CPS1: variants seen among roughly 807,000 people sequenced by gnomAD.
CPS1 encodes carbamoyl-phosphate synthase 1, also known as carbamoyl-phosphate synthase [ammonia], mitochondrial.
A neutral mutation model predicts 174.6 loss-of-function variants in CPS1; 109 were observed. The observed-to-expected ratio is 0.62, with a 90% CI of 0.53 to 0.73. The LOEUF (loss-of-function observed/expected upper bound fraction) is 0.73. CPS1 is among the 30% of genes least tolerant of loss of function. The probability of loss-of-function intolerance (pLI) is 0.00; values close to 1 mark genes in which losing one functional copy is unlikely to be tolerated. For synonymous variants in CPS1, 637 were observed against 632.0 expected, an observed-to-expected ratio of 1.01 and a Z score of -0.12; for missense variants, 1,689 against 1,821.9, an observed-to-expected ratio of 0.93 and a Z score of 1.33.
intron 31 of CPS1, among the ~76,000 whole-genome samples, chr2:210,660,213 A>G (rs908557160): frequency 6.6e-6 from 1 of 152,142 alleles, no homozygotes; most frequent in South Asian, 2.1e-4. Context: ...CAGGAGGGGT[A>G]TGGCATTATT....
chr2:210,612,809 A>G (rs1481985923), intron 20 of CPS1, among the ~76,000 whole-genome samples: 1 of 151,980 alleles, frequency 6.6e-6, no homozygotes, highest in Non-Finnish European at 1.5e-5. Context: ...AGGGTTTTCC[A>G]TGTAATTATT....
chr2:210,629,566 C>T (rs888549005), intron 21 of CPS1, among the ~76,000 whole-genome samples: 2 of 151,668 alleles, frequency 1.3e-5, no homozygotes, highest in Non-Finnish European at 1.5e-5. Context: ...CCGCCCGCCT[C>T]GGCCTCTCAA....
At chr2:210,478,887 TA>T in intron 1 of CPS1, among the ~76,000 whole-genome samples, 1 of 147,940 alleles carries the variant, frequency 6.8e-6, no homozygotes, top group African/African-American at 2.5e-5. Flanking sequence ...TTGCTGGAAA[TA>T]ATATTTCCCT....
At chr2:210,491,985 C>T (rs1424113736) in intron 1 of CPS1, among the ~76,000 whole-genome samples, 1 of 152,148 alleles carries the variant, frequency 6.6e-6, no homozygotes, top group Non-Finnish European at 1.5e-5. Flanking sequence ...GCAACCAACA[C>T]TATTGTAAGG....
intron 1 of CPS1, among the ~76,000 whole-genome samples, chr2:210,518,840 C>T (rs1220715885): frequency 3.9e-5 from 6 of 152,022 alleles, no homozygotes; most frequent in Admixed American, 1.3e-4. Context: ...CTGAACCTTT[C>T]CAGGTGGGTG....
In CPS1 at chr2:210,600,550, T is replaced by C. The variant is rs779060657; in HGVS notation, c.1550-5T>C. The stretch of plus-strand genomic sequence containing the variant: ...AAAAACTAATCCTATTTGGTTCTTC[T>C]TTAGGAGTGGAACTATTCAAGAGAG... On this transcript the variant is annotated splice_polypyrimidine_tract_variant and splice_region_variant and intron_variant, in intron 14 of 37. Coordinates refer to ENST00000233072, the MANE Select transcript of CPS1 (RefSeq NM_001875.5). The C allele has an allele frequency of 1.1e-5, 18 of 1,611,744 alleles. No homozygotes were observed. Among genetic ancestry groups the C allele is most frequent in the Non-Finnish European group, 1.5e-5 (18 of 1,178,628 alleles).
At chr2:210,624,930 A>G (rs1410737427) in intron 21 of CPS1, among the ~76,000 whole-genome samples, 1 of 152,094 alleles carries the variant, frequency 6.6e-6, no homozygotes, top group Admixed American at 6.5e-5. Context: ...GATTTAAAAT[A>G]ACACATACTC....
At chr2:210,592,623 A>G (rs1698346529) in intron 10 of CPS1, among the ~76,000 whole-genome samples, 2 of 151,928 alleles carry the variant, frequency 1.3e-5, no homozygotes, top group Non-Finnish European at 2.9e-5. Flanking sequence ...TTTTTTATTT[A>G]TTTATTTATT....
intron 11 of CPS1, among the ~76,000 whole-genome samples, 183 bp from the exon 12 acceptor site, chr2:210,594,325 T>C (rs1698410524): frequency 6.6e-6 from 1 of 151,968 alleles, no homozygotes; most frequent in South Asian, 2.1e-4. Context: ...AAGTGTTTAT[T>C]TGATTAAATT....
chr2:210,492,585 GC>G (rs1168969743), intron 1 of CPS1, among the ~76,000 whole-genome samples: 1 of 150,632 alleles, frequency 6.6e-6, no homozygotes, highest in Non-Finnish European at 1.5e-5. Context: ...TGCCTATCTT[GC>G]TTTTATTAAT....
chr2:210,539,653 T>C (rs1696349729), intron 1 of CPS1, among the ~76,000 whole-genome samples: 1 of 152,174 alleles, frequency 6.6e-6, no homozygotes, highest in South Asian at 2.1e-4. Context: ...GGTAATCAGA[T>C]TGATGTATCC....
At chr2:210,616,304 A>G in intron 20 of CPS1, 119 bp from the exon 21 acceptor site, 1 of 748,082 alleles carries the variant, frequency 1.3e-6, no homozygotes. Context: ...TTTGTAACTC[A>G]GTCTACAGTC....
intron 29 of CPS1, among the ~76,000 whole-genome samples, chr2:210,654,486 T>C (rs536547873): frequency 2.6e-5 from 4 of 152,308 alleles, no homozygotes; most frequent in African/African-American, 9.6e-5. Flanking sequence ...TTTTCTTCTT[T>C]CTTCATTTCC....
chr2:210,622,498 C>A (rs1699561107), intron 21 of CPS1, among the ~76,000 whole-genome samples: 1 of 151,702 alleles, frequency 6.6e-6, no homozygotes, highest in Non-Finnish European at 1.5e-5. Context: ...TAGACAGCTT[C>A]AGTTTAGAAA....
chr2:210,504,426 T>A (rs1254699274), intron 1 of CPS1, among the ~76,000 whole-genome samples: 1 of 152,266 alleles, frequency 6.6e-6, no homozygotes, highest in African/African-American at 2.4e-5. Context: ...ACTTGTCATA[T>A]GTTGTGTCAT....
intron 36 of CPS1, 78 bp downstream of exon 36, chr2:210,675,918 A>G (rs1025869884): frequency 3.2e-5 from 25 of 783,268 alleles, no homozygotes; most frequent in Non-Finnish European, 4.9e-5. Flanking sequence ...ATTTCACCTT[A>G]CTTGATTGCA....
chr2:210,652,691 C>T (rs887120900), intron 28 of CPS1, among the ~76,000 whole-genome samples: 37 of 152,040 alleles, frequency 2.4e-4, no homozygotes, highest in Non-Finnish European at 4.4e-4. Flanking sequence ...GTGAGGAATC[C>T]AAGTGGATAT....
At position 210,679,010 on chromosome 2, in the gene CPS1, G is replaced by T. The variant is rs778290335; in HGVS notation, c.*1025G>T. The stretch of plus-strand genomic sequence containing the variant: ...CATTCCTTCTACATATAAGAAAAAA[G>T]TCTCTCCCCAAGGGCAGCCTTTGTT... On this transcript the variant is annotated 3_prime_UTR_variant, in exon 38 of 38. Transcript: ENST00000233072. 10 of 152,116 alleles carry T rather than the reference G, an allele frequency of 6.6e-5. No homozygotes were observed. The highest frequency in any genetic ancestry group is 5.9e-5 in the Non-Finnish European group (4 of 68,026). The allele number at this position is 152,116 out of a possible 1,614,324, so 9.4% of individuals were successfully genotyped here. A position where few individuals can be genotyped will look rare whatever the true frequency, so the allele number is the denominator to read the frequency against.
chr2:210,670,100 G>C (rs1025506843), intron 34 of CPS1, among the ~76,000 whole-genome samples: 6 of 152,066 alleles, frequency 3.9e-5, no homozygotes, highest in African/African-American at 1.4e-4. Flanking sequence ...GCTGGCTATT[G>C]AAAATCTACC....
Sources: allele counts gnomAD v4.1 joint callset (sites outside exome capture counted in the v4.1 genomes callset), GRCh38; gene constraint gnomAD v4.1.1; transcripts MANE v1.5; gene names NCBI Gene and HGNC (gene_info 2026-07-23, HGNC 2026-07-21).